Variants in METTL9 observed in about 807,000 individuals in gnomAD.
The protein encoded by METTL9 is methyltransferase 9, His-X-His N1(pi)-histidine.
In METTL9, 10 loss-of-function variants were observed where a neutral mutation model predicts 36.0. The observed-to-expected ratio is 0.28, with a 90% CI of 0.17 to 0.47. METTL9 has a LOEUF of 0.47. Among genes scored for constraint, METTL9 ranks in the 20% least tolerant of loss-of-function variants. The pLI is 0.99. For missense variants in METTL9, 246 were observed against 383.5 expected, an observed-to-expected ratio of 0.64 and a Z score of 3.00; for synonymous variants, 175 against 149.7, an observed-to-expected ratio of 1.17 and a Z score of -1.23.
intron 4 of METTL9, chr16:21,626,743 T>C (rs1208483742): frequency 6.4e-6 from 1 of 155,110 alleles, no homozygotes; most frequent in Non-Finnish European, 1.4e-5. Flanking sequence ...TCCTGTGTAA[T>C]TAAGCCTCAG....
At chr16:21,653,480 A>C (rs1966631910) in intron 4 of METTL9, 2 of 152,238 alleles carry the variant, frequency 1.3e-5, no homozygotes, top group African/African-American at 4.8e-5. Context: ...TTTGTAAAGC[A>C]GCAGAAACAG....
rs183696774 is a variant in METTL9, at chr16:21,618,406, T to C, written c.566+332T>C. Among the ~76,000 whole-genome samples the C allele has an allele frequency of 4.6e-5, 7 of 152,340 alleles. No individual in the cohort carries two copies. The East Asian group carries it at 1.2e-3, about 25-fold the overall frequency. On this transcript the variant is annotated intron_variant, in intron 3 of 4. Transcript: ENST00000358154. ...CATAGAATTTACTGTTGTAACTATT[T>C]TTAAGTGTACAGTTCAGTGGTATTA...
rs990589382 is a variant in METTL9, at chr16:21,657,195, A to C, written c.*1763A>C. On this transcript the variant is annotated 3_prime_UTR_variant, in exon 5 of 5. Coordinates refer to ENST00000358154, the MANE Select transcript of METTL9 (RefSeq NM_016025.5). Reference sequence around the variant, plus strand: ...TCATTCTTAACCACCCCCCCAAAACAGAGAAAACACATACATTTATGCATT... The same window carrying C: ...TCATTCTTAACCACCCCCCCAAAACCGAGAAAACACATACATTTATGCATT... The C allele has an allele frequency of 6.6e-6, 1 of 152,168 alleles. No individual in the cohort carries two copies. The highest frequency in any genetic ancestry group is 2.4e-5 in the African/African-American group (1 of 41,438). 9.4% of individuals were successfully genotyped at this position (152,168 alleles called of 1,614,324 possible). A position where few individuals can be genotyped will look rare whatever the true frequency, so the allele number is the denominator to read the frequency against.
At chr16:21,604,295 T>C (rs573447860) in intron 1 of METTL9, among the ~76,000 whole-genome samples, 1 of 152,184 alleles carries the variant, frequency 6.6e-6, no homozygotes, top group South Asian at 2.1e-4. Context: ...ATCTCTTTCT[T>C]GTGCTGGATA....
upstream of METTL9, chr16:21,597,285 C>T (rs1010419790): frequency 8.5e-6 from 11 of 1,288,848 alleles, no homozygotes; most frequent in Non-Finnish European, 1.0e-5. Flanking sequence ...GCTGGGATAC[C>T]AAGTTCTATG....
In METTL9 at chr16:21,657,098, G is replaced by C. The variant is rs180707401; in HGVS notation, c.*1666G>C. 2.0e-5 allele frequency: 3 copies of C among 152,154 alleles called. No individual in the cohort carries two copies. In the East Asian group the frequency reaches 5.8e-4, roughly 29 times the overall value. The allele number at this position is 152,154 out of a possible 1,614,324, so 9.4% of individuals were successfully genotyped here. On this transcript the variant is annotated 3_prime_UTR_variant, in exon 5 of 5. Coordinates refer to ENST00000358154, the MANE Select transcript of METTL9 (RefSeq NM_016025.5). ...CAAGCAGAAGTGATGGATGTTCAAG[G>C]AGGCAGGTTGCCCCAAAGTGTTTTC... is the stretch of plus-strand genomic sequence containing the variant.
At chr16:21,651,234 A>C (rs146862750) in intron 4 of METTL9, among the ~76,000 whole-genome samples, 4 of 152,146 alleles carry the variant, frequency 2.6e-5, no homozygotes, top group Non-Finnish European at 5.9e-5. Context: ...AACAAACAAA[A>C]AAGCCATATT....
At chr16:21,631,605 C>T (rs765339776) in intron 4 of METTL9, among the ~76,000 whole-genome samples, 11 of 152,174 alleles carry the variant, frequency 7.2e-5, no homozygotes, top group Admixed American at 1.3e-4. Context: ...CGGGAGGAAC[C>T]ATCTATCGTC....
Position 21,655,466 on chromosome 16 carries a change from C to T in METTL9, c.*34C>T. The T allele has an allele frequency of 6.4e-7, 1 of 1,571,566 alleles. No individual in the cohort carries two copies. The highest frequency in any genetic ancestry group is 8.7e-7 in the Non-Finnish European group (1 of 1,146,592). ...AGGTCGAAGTCTTCAGAGTCCGCAC[C>T]CTCCGGGATGTGCCCTTGGAAGAGG... On this transcript the variant is annotated 3_prime_UTR_variant, in exon 5 of 5. Coordinates refer to ENST00000358154, the MANE Select transcript of METTL9 (RefSeq NM_016025.5).
At chr16:21,643,671 C>T in intron 4 of METTL9, 1 of 953,644 alleles carries the variant, frequency 1.0e-6, no homozygotes, top group Non-Finnish European at 1.6e-6. Context: ...ATCTCATGCC[C>T]TAATAAGATT....
At chr16:21,597,262 C>A, upstream of METTL9, 1 of 1,288,898 alleles carries the variant, frequency 7.8e-7, no homozygotes, top group Non-Finnish European at 1.0e-6. Flanking sequence ...TTAGATGGAT[C>A]GAAAGACCAC....
At chr16:21,643,667 T>A (rs1352878757) in intron 4 of METTL9, 2 of 1,005,914 alleles carry the variant, frequency 2.0e-6, no homozygotes, top group African/African-American at 3.3e-5. Flanking sequence ...AGATATCTCA[T>A]GCCCTAATAA....
At chr16:21,647,153 C>T (rs1966450741) in intron 4 of METTL9, 15 of 1,614,006 alleles carry the variant, frequency 9.3e-6, no homozygotes, top group South Asian at 4.4e-5. Context: ...CAGTGTGGTC[C>T]CTCCTCCTGT....
rs1206671848 is a variant in METTL9, at chr16:21,617,570, A to C, written c.357-295A>C. ...TGGTGAAACCCTGTCTCCACTAAAA[A>C]TACAAAAAATAAGCCGGGTGTGGTG... On this transcript the variant is annotated intron_variant, in intron 2 of 4. Transcript: ENST00000358154. 2.6e-5 allele frequency among the ~76,000 whole-genome samples: 4 copies of C among 151,764 alleles called. No individual in the cohort carries two copies. The East Asian group carries it at 7.8e-4, about 30-fold the overall frequency.
intron 1 of METTL9, among the ~76,000 whole-genome samples, chr16:21,605,254 C>CTTTTTTTTTTTTTTTTTTTT (rs1555488566): frequency 2.4e-5 from 1 of 41,808 alleles, no homozygotes; most frequent in Admixed American, 2.9e-4. Flanking sequence ...ATAGGCTTGC[C>CTTTTTTTTTTTTTTTTTTTT]TTCTTTTTTT....
At chr16:21,641,334 A>T in intron 4 of METTL9, 1 of 392,096 alleles carries the variant, frequency 2.6e-6, no homozygotes, top group Admixed American at 4.5e-5. Flanking sequence ...GGTATTTTTC[A>T]GTTGCATTTT....
chr16:21,600,422 T>C (rs1285974322), intron 1 of METTL9, among the ~76,000 whole-genome samples: 1 of 152,152 alleles, frequency 6.6e-6, no homozygotes, highest in Non-Finnish European at 1.5e-5. Flanking sequence ...TCCAGGCTGA[T>C]TGGGGTGACA....
intron 1 of METTL9, among the ~76,000 whole-genome samples, chr16:21,611,022 TAAGC>T (rs1242363198): frequency 2.6e-5 from 4 of 152,108 alleles, no homozygotes; most frequent in Admixed American, 2.6e-4. Flanking sequence ...AGAAAATCAT[TAAGC>T]AAGAACATTT....
intron 1 of METTL9, among the ~76,000 whole-genome samples, chr16:21,604,572 A>C (rs1313758841): frequency 6.6e-6 from 1 of 152,168 alleles, no homozygotes; most frequent in East Asian, 1.9e-4. Context: ...TCTCACATAA[A>C]GAGGTTATTG....
Sources: allele counts gnomAD v4.1 joint callset (sites outside exome capture counted in the v4.1 genomes callset), GRCh38; gene constraint gnomAD v4.1.1; transcripts MANE v1.5; gene names NCBI Gene and HGNC (gene_info 2026-07-23, HGNC 2026-07-21).